Variants in RBPJ observed in about 807,000 individuals in gnomAD.
RBPJ encodes recombination signal binding protein for immunoglobulin kappa J region, also known as recombining binding protein suppressor of hairless.
RBPJ carries 9 observed loss-of-function variants against 67.8 expected under a neutral mutation model. The ratio of observed to expected loss-of-function variants is 0.13; its 90% CI spans 0.08 to 0.23. The LOEUF (loss-of-function observed/expected upper bound fraction) is 0.23. RBPJ is among the 10% of genes least tolerant of loss of function. RBPJ has a pLI of 1.00. For synonymous variants in RBPJ, 198 were observed against 203.3 expected (o/e 0.97, Z 0.22); for missense variants, 305 against 595.6 (o/e 0.51, Z 5.08).
At chr4:26,192,699 C>T (rs761056478) in intron 1 of RBPJ, among the ~76,000 whole-genome samples, 13 of 152,196 alleles carry the variant, frequency 8.5e-5, no homozygotes, top group Non-Finnish European at 2.9e-5. Flanking sequence ...CCCGGGAAGC[C>T]TGGCCCCACC....
chr4:26,244,554 CTTATTG>C (rs1210386398), intron 1 of RBPJ, among the ~76,000 whole-genome samples: 3 of 150,770 alleles, frequency 2.0e-5, no homozygotes, highest in African/African-American at 7.4e-5. Context: ...TAAATGGTTT[CTTATTG>C]TTATTTTATA....
intron 1 of RBPJ, among the ~76,000 whole-genome samples, chr4:26,255,227 A>AC (rs1431912656): frequency 8.1e-5 from 11 of 135,312 alleles, no homozygotes; most frequent in African/African-American, 2.9e-4. Context: ...ACACGGTGAG[A>AC]CCCCGTCTCT....
intron 1 of RBPJ, among the ~76,000 whole-genome samples, chr4:26,295,953 T>G (rs1180378015): frequency 2.6e-5 from 4 of 152,224 alleles, no homozygotes; most frequent in African/African-American, 9.6e-5. Context: ...GCTCATTTGA[T>G]ATCAGTAATG....
the RBPJ span, among the ~76,000 whole-genome samples, chr4:26,120,670 G>T: frequency 1.4e-5 from 2 of 141,264 alleles, no homozygotes; most frequent in African/African-American, 2.7e-5. Context: ...ATAGCCATAT[G>T]TCAGCTTCAT....
intron 1 of RBPJ, among the ~76,000 whole-genome samples, chr4:26,202,147 T>G (rs1268116372): frequency 6.6e-6 from 1 of 152,148 alleles, no homozygotes; most frequent in African/African-American, 2.4e-5. Flanking sequence ...TTAGCCCTCT[T>G]CTTTACCTTC....
At chr4:26,186,183 C>G (rs930860944) in intron 1 of RBPJ, among the ~76,000 whole-genome samples, 187 of 145,164 alleles carry the variant, frequency 1.3e-3, no homozygotes, top group South Asian at 5.9e-3. Context: ...TCTGCTCCCC[C>G]CTTTTTTTTA....
chr4:26,290,422 A>G (rs1195578654), intron 1 of RBPJ, among the ~76,000 whole-genome samples: 1 of 150,386 alleles, frequency 6.6e-6, no homozygotes, highest in Non-Finnish European at 1.5e-5. Context: ...ATGAGATGCC[A>G]ATATGCATTC....
At chr4:26,279,099 A>G (rs1447671109) in intron 1 of RBPJ, among the ~76,000 whole-genome samples, 1 of 152,232 alleles carries the variant, frequency 6.6e-6, no homozygotes, top group Non-Finnish European at 1.5e-5. Flanking sequence ...CACCCAGCAC[A>G]GTGCCTGGCC....
chr4:26,356,087 G>A (rs906728731), intron 1 of RBPJ, among the ~76,000 whole-genome samples: 7 of 152,184 alleles, frequency 4.6e-5, no homozygotes, highest in Non-Finnish European at 8.8e-5. Context: ...CAAAAACCAC[G>A]AGTGCCCATG....
intron 1 of RBPJ, among the ~76,000 whole-genome samples, chr4:26,169,855 C>T (rs528718698): frequency 2.6e-4 from 39 of 152,302 alleles, no homozygotes; most frequent in African/African-American, 7.0e-4. Flanking sequence ...AGCGAGACTC[C>T]GTGGGCGTAG....
chr4:26,137,706 A>C, the RBPJ span, among the ~76,000 whole-genome samples: 1 of 152,158 alleles, frequency 6.6e-6, no homozygotes, highest in Admixed American at 6.5e-5. Context: ...CATGTACCTC[A>C]TTTCACTGTC....
At chr4:26,179,501 C>G (rs190301020) in intron 1 of RBPJ, among the ~76,000 whole-genome samples, 3 of 151,806 alleles carry the variant, frequency 2.0e-5, no homozygotes, top group Non-Finnish European at 4.4e-5. Context: ...AGTCCATTCA[C>G]GCAAGTACTT....
chr4:26,359,838 T>C (rs561605365), intron 1 of RBPJ: 2 of 152,398 alleles, frequency 1.3e-5, no homozygotes, highest in South Asian at 4.1e-4. Flanking sequence ...TGAGGCTGTT[T>C]AGAAAAACAT....
At chr4:26,210,887 G>C (rs993437597) in intron 1 of RBPJ, among the ~76,000 whole-genome samples, 12 of 151,062 alleles carry the variant, frequency 7.9e-5, no homozygotes, top group Non-Finnish European at 1.8e-4. Context: ...GAAGAGCCTG[G>C]ATGAAAGCTT....
At chr4:26,243,441 G>A in intron 1 of RBPJ, among the ~76,000 whole-genome samples, 1 of 152,162 alleles carries the variant, frequency 6.6e-6, no homozygotes, top group East Asian at 1.9e-4. Context: ...TATCCACTAT[G>A]GTGAGTTTGA....
chr4:26,190,267 A>G (rs1338889298), intron 1 of RBPJ, among the ~76,000 whole-genome samples: 3 of 152,202 alleles, frequency 2.0e-5, no homozygotes, highest in Non-Finnish European at 2.9e-5. Context: ...CCATTCTACA[A>G]TTGATCTTGA....
the RBPJ span, among the ~76,000 whole-genome samples, chr4:26,136,954 C>T: frequency 6.6e-6 from 1 of 152,188 alleles, no homozygotes; most frequent in African/African-American, 2.4e-5. Flanking sequence ...ACGTAAACAT[C>T]TTCAAGAGTC....
At chr4:26,302,805 C>T (rs1361007357) in intron 1 of RBPJ, among the ~76,000 whole-genome samples, 1 of 152,134 alleles carries the variant, frequency 6.6e-6, no homozygotes, top group Non-Finnish European at 1.5e-5. Context: ...ACTAAGTTGG[C>T]GCTCAATGAT....
chr4:26,432,180 C>T lies in RBPJ; in HGVS notation c.*1173C>T, dbSNP rs1347262994. The T allele has an allele frequency of 1.3e-5, 2 of 152,138 alleles. No individual in the cohort carries two copies. The highest frequency in any genetic ancestry group is 4.8e-5 in the African/African-American group (2 of 41,422). 9.4% of individuals were successfully genotyped at this position (152,138 alleles called of 1,614,324 possible). ...TTGCTACCAGTTGGTAGATGGTGCC[C>T]TTAATGGTAGAATGAGGAAAATGTC... is the stretch of plus-strand genomic sequence containing the variant. On this transcript the variant is annotated 3_prime_UTR_variant, in exon 11 of 11. Transcript: ENST00000355476.
Sources: gnomAD v4.1 joint callset for allele counts (sites outside exome capture counted in the v4.1 genomes callset) on GRCh38, gnomAD v4.1.1 for gene constraint, MANE v1.5 for transcripts, NCBI Gene and HGNC (gene_info 2026-07-23, HGNC 2026-07-21) for gene names.